FNBP1L: variants seen among roughly 807,000 people sequenced by gnomAD.
FNBP1L encodes the protein formin binding protein 1 like, also known as formin-binding protein 1-like.
A neutral mutation model predicts 91.2 loss-of-function variants in FNBP1L; 36 were observed. The ratio of observed to expected loss-of-function variants is 0.39; its 90% CI spans 0.30 to 0.52. FNBP1L has a LOEUF of 0.52. Ranked by LOEUF, FNBP1L falls within the 20% of genes least tolerant of loss-of-function variation. The probability of loss-of-function intolerance (pLI) is 0.66; values close to 1 mark genes in which losing one functional copy is unlikely to be tolerated. For synonymous variants in FNBP1L, 242 were observed against 237.0 expected (o/e 1.02, Z -0.19); for missense variants, 571 against 732.1 (o/e 0.78, Z 2.54).
At chr1:93,470,509 G>A (rs555372269) in intron 1 of FNBP1L, among the ~76,000 whole-genome samples, 5 of 152,276 alleles carry the variant, frequency 3.3e-5, no homozygotes, top group African/African-American at 1.2e-4. Context: ...ACTATGGATG[G>A]GAGTCTTTGT....
chr1:93,476,548 A>G (rs1346551350), intron 1 of FNBP1L, among the ~76,000 whole-genome samples: 2 of 152,224 alleles, frequency 1.3e-5, no homozygotes, highest in Non-Finnish European at 2.9e-5. Flanking sequence ...TATTAATCAG[A>G]TAGTTGCATA....
rs60167572 is a variant in FNBP1L, at chr1:93,456,602, CAAAAAAAAAAAA to C, written c.24+8307_24+8318del. Among the ~76,000 whole-genome samples, 307 of 53,394 alleles carry C rather than the reference CAAAAAAAAAAAA, an allele frequency of 5.7e-3. 6 individuals are homozygous for C. The highest frequency in any genetic ancestry group is 2.6e-3 in the Non-Finnish European group (61 of 23,206). The allele number at this position is 53,394 out of a possible 152,430, so 35.0% of individuals were successfully genotyped here. A position where few individuals can be genotyped will look rare whatever the true frequency, so the allele number is the denominator to read the frequency against. On this transcript the variant is annotated intron_variant, in intron 1 of 16. Coordinates refer to ENST00000271234, the MANE Select transcript of FNBP1L (RefSeq NM_001164473.3). ...CAAGATGGTGAAACCCCTTCTCTAC[CAAAAAAAAAAAA>C]AAAAAAAAAGCAAAAATAAGCTGGG...
At position 93,530,895 on chromosome 1, in the gene FNBP1L, A is replaced by G; in HGVS notation, c.639+12A>G. 1.3e-6 allele frequency: 2 copies of G among 1,517,786 alleles called. No individual in the cohort carries two copies. The highest frequency in any genetic ancestry group is 1.2e-5 in the South Asian group (1 of 80,042). The allele number at this position is 1,517,786 out of a possible 1,614,324, so 94.0% of individuals were successfully genotyped here. ...CTCAGATTTACAAGGTAAATCTTAG[A>G]TATGAAGTTAATCTAGTTTTAGATT... On this transcript the variant is annotated intron_variant, in intron 7 of 16. Coordinates refer to ENST00000271234, the MANE Select transcript of FNBP1L (RefSeq NM_001164473.3).
chr1:93,469,584 A>G (rs1669213294), intron 1 of FNBP1L, among the ~76,000 whole-genome samples: 1 of 152,190 alleles, frequency 6.6e-6, no homozygotes, highest in African/African-American at 2.4e-5. Context: ...ATGATTTATA[A>G]TCCTTTGTTA....
At chr1:93,536,959 A>G (rs546003983) in intron 10 of FNBP1L, among the ~76,000 whole-genome samples, 1 of 152,234 alleles carries the variant, frequency 6.6e-6, no homozygotes, top group South Asian at 2.1e-4. Context: ...AGTTAAAAAA[A>G]ATTAAAGATA....
chr1:93,551,159 A>C, intron 16 of FNBP1L, 54 bp downstream of exon 16: 1 of 1,477,822 alleles, frequency 6.8e-7, no homozygotes, highest in South Asian at 1.5e-5. Context: ...TGTGTGACAT[A>C]GGAAGAGTAA....
intron 1 of FNBP1L, among the ~76,000 whole-genome samples, chr1:93,472,603 G>A (rs1206898302): frequency 6.6e-6 from 1 of 151,792 alleles, no homozygotes; most frequent in East Asian, 1.9e-4. Flanking sequence ...ACGAGGTCAG[G>A]AGATTGAGAC....
At chr1:93,541,580 G>T (rs571259597) in intron 11 of FNBP1L, among the ~76,000 whole-genome samples, 2 of 148,088 alleles carry the variant, frequency 1.4e-5, no homozygotes, top group South Asian at 2.2e-4. Flanking sequence ...GTGTGTGTTT[G>T]TGTGGGGGGT....
chr1:93,464,866 A>G (rs996839104), intron 1 of FNBP1L, among the ~76,000 whole-genome samples: 6 of 152,168 alleles, frequency 3.9e-5, no homozygotes, highest in Admixed American at 6.5e-5. Flanking sequence ...CTTGAGTATA[A>G]CATGTGTTCC....
At chr1:93,512,625 A>C (rs1402474519) in intron 2 of FNBP1L, among the ~76,000 whole-genome samples, 2 of 150,128 alleles carry the variant, frequency 1.3e-5, no homozygotes, top group Non-Finnish European at 3.0e-5. Flanking sequence ...ATCTCACTCA[A>C]AACCGCTCAA....
intron 2 of FNBP1L, among the ~76,000 whole-genome samples, chr1:93,504,645 A>G (rs1480964530): frequency 2.0e-5 from 3 of 152,136 alleles, no homozygotes; most frequent in African/African-American, 4.8e-5. Context: ...GTTAGTCCAC[A>G]TCCTTGTTGT....
intron 1 of FNBP1L, among the ~76,000 whole-genome samples, chr1:93,464,059 A>G (rs980608423): frequency 1.3e-5 from 2 of 152,230 alleles, no homozygotes; most frequent in African/African-American, 4.8e-5. Context: ...AAGGGTGGCT[A>G]CCATGAGAAC....
At chr1:93,509,775 T>G (rs1158086328) in intron 2 of FNBP1L, among the ~76,000 whole-genome samples, 1 of 152,180 alleles carries the variant, frequency 6.6e-6, no homozygotes, top group Non-Finnish European at 1.5e-5. Flanking sequence ...GAGCCCTGCT[T>G]GGGCGAGGCA....
intron 2 of FNBP1L, among the ~76,000 whole-genome samples, chr1:93,502,575 A>G (rs1188958534): frequency 6.6e-6 from 1 of 152,146 alleles, no homozygotes; most frequent in Non-Finnish European, 1.5e-5. Context: ...TAGAATTTTC[A>G]CTTACTTGCA....
chr1:93,492,780 A>G (rs1319206312), intron 1 of FNBP1L, among the ~76,000 whole-genome samples: 1 of 152,084 alleles, frequency 6.6e-6, no homozygotes, highest in African/African-American at 2.4e-5. Context: ...GCCAGATCCC[A>G]TCTCTTAAAA....
intron 2 of FNBP1L, among the ~76,000 whole-genome samples, chr1:93,509,700 C>T (rs1311135981): frequency 2.0e-5 from 3 of 152,212 alleles, no homozygotes; most frequent in Admixed American, 6.5e-5. Flanking sequence ...TCTGAGGTAC[C>T]GGGTTCATCT....
At chr1:93,492,414 C>T (rs1482009455) in intron 1 of FNBP1L, among the ~76,000 whole-genome samples, 2 of 152,068 alleles carry the variant, frequency 1.3e-5, no homozygotes, top group Non-Finnish European at 2.9e-5. Context: ...ACAAGATGAT[C>T]CACTGACATA....
chr1:93,459,808 G>C (rs1034421551), intron 1 of FNBP1L, among the ~76,000 whole-genome samples: 1 of 152,118 alleles, frequency 6.6e-6, no homozygotes, highest in African/African-American at 2.4e-5. Context: ...GTCAAGATAC[G>C]GGATTGCTAT....
chr1:93,465,822 A>G (rs531994757), intron 1 of FNBP1L, among the ~76,000 whole-genome samples: 1 of 152,332 alleles, frequency 6.6e-6, no homozygotes, highest in East Asian at 1.9e-4. Context: ...TCCCACCAAC[A>G]GTGTAAAAGT....
Sources: gnomAD v4.1 joint callset for allele counts (sites outside exome capture counted in the v4.1 genomes callset) on GRCh38, gnomAD v4.1.1 for gene constraint, MANE v1.5 for transcripts, NCBI Gene and HGNC (gene_info 2026-07-23, HGNC 2026-07-21) for gene names.